RNF180: variants seen among roughly 807,000 people sequenced by gnomAD.
RNF180 encodes E3 ubiquitin-protein ligase RNF180.
Under a neutral mutation model 59.2 loss-of-function variants are expected in RNF180, and 38 were observed. The ratio of observed to expected loss-of-function variants is 0.64; its 90% CI spans 0.50 to 0.84. The LOEUF (loss-of-function observed/expected upper bound fraction) is 0.84. Ranked by LOEUF, RNF180 falls within the 40% of genes least tolerant of loss-of-function variation. RNF180 has a pLI of 0.00. For synonymous variants in RNF180, 262 were observed against 240.3 expected (o/e 1.09, Z -0.84); for missense variants, 705 against 700.9 (o/e 1.01, Z -0.07).
At chr5:64,330,438 G>C in intron 7 of RNF180, 32 bp downstream of exon 7, 1 of 1,522,060 alleles carries the variant, frequency 6.6e-7, no homozygotes, top group Non-Finnish European at 8.8e-7. Context: ...AAAAAAGTCT[G>C]GTAATTTTGT....
intron 5 of RNF180, among the ~76,000 whole-genome samples, chr5:64,268,798 G>A (rs557536830): frequency 1.6e-4 from 25 of 152,198 alleles, no homozygotes; most frequent in Non-Finnish European, 2.9e-4. Flanking sequence ...CTTGGGGAAC[G>A]TGTCCTGACT....
intron 5 of RNF180, among the ~76,000 whole-genome samples, chr5:64,279,772 T>G (rs1466732753): frequency 2.0e-5 from 3 of 152,104 alleles, no homozygotes; most frequent in Non-Finnish European, 4.4e-5. Context: ...ACTGGGTGCT[T>G]TTATTACCAA....
chr5:64,207,125 A>C (rs927694560), intron 2 of RNF180, among the ~76,000 whole-genome samples: 1 of 151,914 alleles, frequency 6.6e-6, no homozygotes. Flanking sequence ...AATCATATTA[A>C]AAGTTTGATA....
chr5:64,332,000 G>A (rs192076722), intron 7 of RNF180, among the ~76,000 whole-genome samples: 4 of 152,090 alleles, frequency 2.6e-5, no homozygotes, highest in Admixed American at 2.6e-4. Flanking sequence ...GGAGCTCCCT[G>A]CCCCGCCACA....
At chr5:64,167,339 C>T (rs1291656202) in intron 1 of RNF180, among the ~76,000 whole-genome samples, 2 of 152,062 alleles carry the variant, frequency 1.3e-5, no homozygotes, top group Non-Finnish European at 2.9e-5. Flanking sequence ...TCTCTGGAAC[C>T]ATCAACAATT....
intron 5 of RNF180, among the ~76,000 whole-genome samples, chr5:64,292,181 G>T (rs187609534): frequency 6.6e-6 from 1 of 152,268 alleles, no homozygotes; most frequent in Admixed American, 6.5e-5. Context: ...CTGGTAAGGT[G>T]CTGCGGTCAT....
intron 5 of RNF180, among the ~76,000 whole-genome samples, chr5:64,239,029 A>G (rs1742621704): frequency 6.6e-6 from 1 of 152,148 alleles, no homozygotes; most frequent in Admixed American, 6.5e-5. Flanking sequence ...ATGATGATTC[A>G]TGCTTTATGG....
At chr5:64,192,639 T>C (rs946124252) in intron 1 of RNF180, among the ~76,000 whole-genome samples, 2 of 151,830 alleles carry the variant, frequency 1.3e-5, no homozygotes, top group Non-Finnish European at 2.9e-5. Flanking sequence ...GCCACTGCAC[T>C]CCAGCCTGGG....
intron 5 of RNF180, among the ~76,000 whole-genome samples, chr5:64,287,591 GT>G (rs1561240201): frequency 6.6e-6 from 1 of 152,092 alleles, no homozygotes; most frequent in Non-Finnish European, 1.5e-5. Flanking sequence ...AGCATATATT[GT>G]TTCTGGACTT....
intron 5 of RNF180, among the ~76,000 whole-genome samples, chr5:64,296,948 A>G (rs1404750333): frequency 6.6e-6 from 1 of 152,132 alleles, no homozygotes; most frequent in Non-Finnish European, 1.5e-5. Context: ...GTAGGAAAAG[A>G]GTGACTTTTC....
intron 2 of RNF180, among the ~76,000 whole-genome samples, chr5:64,209,154 A>G (rs953937310): frequency 3.3e-5 from 5 of 152,030 alleles, no homozygotes; most frequent in Non-Finnish European, 1.5e-5. Flanking sequence ...GTAAGACAGT[A>G]AAAACTCTTA....
intron 7 of RNF180, among the ~76,000 whole-genome samples, chr5:64,354,376 T>TA (rs1265474667): frequency 7.9e-5 from 12 of 151,806 alleles, no homozygotes; most frequent in African/African-American, 2.9e-4. Context: ...TATAAAAACA[T>TA]ACAAATTATC....
At chr5:64,167,316 G>A (rs72769818) in intron 1 of RNF180, among the ~76,000 whole-genome samples, 15,530 of 152,162 alleles carry the variant, frequency 0.1, 897 homozygotes, top group South Asian at 0.17. Flanking sequence ...TACGTGTTAT[G>A]TTGTACTTTA....
intron 5 of RNF180, among the ~76,000 whole-genome samples, chr5:64,225,012 G>A (rs1254332490): frequency 2.6e-5 from 4 of 152,120 alleles, no homozygotes; most frequent in Non-Finnish European, 5.9e-5. Context: ...TCATTTTCTT[G>A]TCTCAATAAA....
chr5:64,169,024 A>T (rs1397697084), intron 1 of RNF180, among the ~76,000 whole-genome samples: 2 of 152,194 alleles, frequency 1.3e-5, no homozygotes, highest in Non-Finnish European at 2.9e-5. Flanking sequence ...GTTACTTTTA[A>T]GTGTTAAAGC....
chr5:64,226,423 C>T (rs920827942), intron 5 of RNF180, among the ~76,000 whole-genome samples: 10 of 152,116 alleles, frequency 6.6e-5, no homozygotes, highest in Admixed American at 1.3e-4. Context: ...GGATTAAGGG[C>T]GGTGCAAGAT....
chr5:64,214,069 T>C lies in RNF180; in HGVS notation c.743T>C (p.Ile248Thr). 2 of 1,614,048 alleles carry C rather than the reference T, an allele frequency of 1.2e-6. No homozygotes were observed. Among genetic ancestry groups the C allele is most frequent in the Non-Finnish European group, 1.7e-6 (2 of 1,179,942 alleles). Reference sequence around the variant, plus strand: ...ACTTTATTACCCACTTTATATGAAATACATAGTAAGACTACTGCCTATTCC... The same window carrying C: ...ACTTTATTACCCACTTTATATGAAACACATAGTAAGACTACTGCCTATTCC... Reference protein sequence around the residue: ...KLTLLPTLYEIHSKTTAYSRL... With the variant: ...KLTLLPTLYETHSKTTAYSRL... Residue 248 changes from isoleucine (I) to threonine (T), a missense_variant, in exon 4 of 8, where the codon ATA (isoleucine) becomes ACA (threonine). By Grantham distance (89) the Ile-to-Thr change is moderately conservative. Transcript: ENST00000389100.
At chr5:64,254,829 T>C (rs963371051) in intron 5 of RNF180, among the ~76,000 whole-genome samples, 2 of 152,148 alleles carry the variant, frequency 1.3e-5, no homozygotes, top group African/African-American at 2.4e-5. Flanking sequence ...TACTAAAAGG[T>C]AACTTTCTGG....
chr5:64,356,938 A>G (rs2112595538), intron 7 of RNF180, among the ~76,000 whole-genome samples: 1 of 152,018 alleles, frequency 6.6e-6, no homozygotes, highest in African/African-American at 2.4e-5. Flanking sequence ...AGTTATTGCC[A>G]CTGAGTTGTA....
Sources: allele counts gnomAD v4.1 joint callset (sites outside exome capture counted in the v4.1 genomes callset), GRCh38; gene constraint gnomAD v4.1.1; transcripts MANE v1.5; gene names NCBI Gene and HGNC (gene_info 2026-07-23, HGNC 2026-07-21).